Variants in WDFY2 observed in about 807,000 individuals in gnomAD.
WDFY2 encodes WD repeat and FYVE domain containing 2.
A neutral mutation model predicts 56.4 loss-of-function variants in WDFY2; 36 were observed. That is an observed-to-expected ratio of 0.64 (90% CI 0.49 to 0.84). The LOEUF (loss-of-function observed/expected upper bound fraction) is 0.84, where lower values mean the gene tolerates loss of function less well. Ranked by LOEUF, WDFY2 falls within the 40% of genes least tolerant of loss-of-function variation. The probability of loss-of-function intolerance (pLI) is 0.00; values close to 1 mark genes in which losing one functional copy is unlikely to be tolerated. For synonymous variants in WDFY2, 176 were observed against 183.7 expected (o/e 0.96, Z 0.34); for missense variants, 444 against 512.2 (o/e 0.87, Z 1.29).
At chr13:51,671,291 A>G (rs7321346) in intron 2 of WDFY2, among the ~76,000 whole-genome samples, 18,143 of 152,196 alleles carry the variant, frequency 0.12, 1,563 homozygotes, top group African/African-American at 0.21. Flanking sequence ...GAATCTCCAC[A>G]CTGTTTTCCA....
chr13:51,654,095 A>C (rs1290879558), intron 1 of WDFY2, among the ~76,000 whole-genome samples: 1 of 152,122 alleles, frequency 6.6e-6, no homozygotes, highest in East Asian at 1.9e-4. Flanking sequence ...ACTCAACCCT[A>C]GGCAATGCCA....
intron 4 of WDFY2, among the ~76,000 whole-genome samples, chr13:51,708,151 G>A (rs925058777): frequency 3.3e-5 from 5 of 151,066 alleles, no homozygotes; most frequent in African/African-American, 1.2e-4. Context: ...CAAAGTGCTG[G>A]GATTACAGGC....
intron 3 of WDFY2, among the ~76,000 whole-genome samples, chr13:51,686,878 G>C (rs1463117034): frequency 6.6e-6 from 1 of 151,104 alleles, no homozygotes. Flanking sequence ...TTTATTATTT[G>C]AATGTCTGGT....
chr13:51,737,486 G>GT (rs1566207115), intron 6 of WDFY2, among the ~76,000 whole-genome samples: 1 of 144,756 alleles, frequency 6.9e-6, no homozygotes, highest in Non-Finnish European at 1.5e-5. Context: ...TGATCCCGTG[G>GT]TGAACAAGCC....
chr13:51,737,383 C>T (rs534046855), intron 6 of WDFY2, among the ~76,000 whole-genome samples: 1 of 151,936 alleles, frequency 6.6e-6, no homozygotes, highest in Non-Finnish European at 1.5e-5. Flanking sequence ...GCATTTCTTT[C>T]ATATTCTTAC....
At chr13:51,599,011 C>T (rs541333032) in intron 1 of WDFY2, among the ~76,000 whole-genome samples, 4 of 150,502 alleles carry the variant, frequency 2.7e-5, no homozygotes, top group South Asian at 4.2e-4. Flanking sequence ...CAGGTTCAAG[C>T]GATTCTCCTG....
chr13:51,754,663 A>G (rs531539967), intron 8 of WDFY2, among the ~76,000 whole-genome samples: 2 of 152,266 alleles, frequency 1.3e-5, no homozygotes, highest in Middle Eastern at 3.4e-3. Context: ...CTTTTGTATC[A>G]TCTGCCATTT....
intron 1 of WDFY2, among the ~76,000 whole-genome samples, chr13:51,650,687 G>T (rs1003520129): frequency 5.6e-4 from 86 of 152,236 alleles, no homozygotes; most frequent in Admixed American, 2.6e-3. Context: ...GGTTTTTATC[G>T]TTGGTTCTGT....
intron 1 of WDFY2, among the ~76,000 whole-genome samples, chr13:51,651,496 A>G (rs1406368716): frequency 6.6e-6 from 1 of 151,962 alleles, no homozygotes; most frequent in East Asian, 1.9e-4. Context: ...TAGTTGTTTT[A>G]ATTGTGATGT....
intron 1 of WDFY2, among the ~76,000 whole-genome samples, chr13:51,599,626 G>T (rs762447034): frequency 1.8e-4 from 27 of 152,134 alleles, no homozygotes; most frequent in Non-Finnish European, 3.2e-4. Flanking sequence ...TAAGTCCATT[G>T]GCCAGTCAGA....
chr13:51,667,746 C>CT (rs996181288), intron 2 of WDFY2, among the ~76,000 whole-genome samples: 2 of 151,722 alleles, frequency 1.3e-5, no homozygotes, highest in Non-Finnish European at 2.9e-5. Flanking sequence ...TTATTGCTTT[C>CT]TTTTTGGTAT....
intron 3 of WDFY2, among the ~76,000 whole-genome samples, chr13:51,694,754 C>T (rs545092556): frequency 1.3e-5 from 2 of 152,320 alleles, no homozygotes; most frequent in East Asian, 3.9e-4. Flanking sequence ...GGAAGTTCTC[C>T]TGGATAATAT....
intron 1 of WDFY2, among the ~76,000 whole-genome samples, chr13:51,585,074 C>T (rs1953911580): frequency 6.6e-6 from 1 of 152,228 alleles, no homozygotes; most frequent in Admixed American, 6.5e-5. Flanking sequence ...CTGCGGGAGC[C>T]GGGTGGCCCT....
chr13:51,691,168 T>C (rs907137272), intron 3 of WDFY2, among the ~76,000 whole-genome samples: 1 of 152,166 alleles, frequency 6.6e-6, no homozygotes, highest in Non-Finnish European at 1.5e-5. Context: ...CTGATGGTAG[T>C]TTCTTTTGCT....
At chr13:51,615,758 A>G (rs990033742) in intron 1 of WDFY2, among the ~76,000 whole-genome samples, 1 of 152,188 alleles carries the variant, frequency 6.6e-6, no homozygotes. Context: ...TTGTGACACC[A>G]TGTCTCTTTC....
chr13:51,696,365 T>C (rs1951876482), intron 3 of WDFY2, among the ~76,000 whole-genome samples: 1 of 152,244 alleles, frequency 6.6e-6, no homozygotes, highest in Non-Finnish European at 1.5e-5. Context: ...TCTTTTTTGC[T>C]ATTAAAAAGA....
intron 1 of WDFY2, among the ~76,000 whole-genome samples, chr13:51,604,500 G>C (rs1436092495): frequency 6.6e-6 from 1 of 152,180 alleles, no homozygotes; most frequent in African/African-American, 2.4e-5. Context: ...TGGAAGCCAA[G>C]TTCAGAAGGT....
chr13:51,735,884 G>C (rs2138677626), intron 6 of WDFY2, among the ~76,000 whole-genome samples: 1 of 152,148 alleles, frequency 6.6e-6, no homozygotes, highest in African/African-American at 2.4e-5. Flanking sequence ...TTGGGCCCTG[G>C]GAGTGTCTGA....
At chr13:51,644,380 C>A (rs1401201761) in intron 1 of WDFY2, among the ~76,000 whole-genome samples, 1 of 152,160 alleles carries the variant, frequency 6.6e-6, no homozygotes, top group African/African-American at 2.4e-5. Flanking sequence ...TAATTCTCAC[C>A]TGGTATATGG....
Sources: allele counts gnomAD v4.1 joint callset (sites outside exome capture counted in the v4.1 genomes callset), GRCh38; gene constraint gnomAD v4.1.1; transcripts MANE v1.5; gene names NCBI Gene and HGNC (gene_info 2026-07-23, HGNC 2026-07-21).